TRIM24: variants seen among roughly 807,000 people sequenced by gnomAD.
TRIM24 encodes the protein transcription intermediary factor 1-alpha.
TRIM24 carries 29 observed loss-of-function variants against 123.9 expected under a neutral mutation model. The observed-to-expected ratio is 0.23, with a 90% confidence interval of 0.17 to 0.32. The LOEUF (loss-of-function observed/expected upper bound fraction) is 0.32, where lower values mean the gene tolerates loss of function less well. TRIM24 is among the 10% of genes least tolerant of loss of function. The pLI, the probability that TRIM24 is intolerant of heterozygous loss-of-function variation, is 1.00. For missense variants in TRIM24, 932 were observed against 1,295.3 expected (o/e 0.72, Z 4.31); for synonymous variants, 456 against 461.1 (o/e 0.99, Z 0.14).
intron 1 of TRIM24, among the ~76,000 whole-genome samples, chr7:138,476,600 A>C (rs1376776198): frequency 1.3e-5 from 2 of 152,054 alleles, no homozygotes; most frequent in Non-Finnish European, 2.9e-5. Context: ...CTCAAAAAAA[A>C]AAAAAAAAAG....
intron 2 of TRIM24, among the ~76,000 whole-genome samples, chr7:138,507,876 G>A (rs1796184121): frequency 6.6e-6 from 1 of 151,808 alleles, no homozygotes; most frequent in Admixed American, 6.6e-5. Context: ...GGAGGCTGCA[G>A]TGAGCCATAA....
chr7:138,566,316 A>T (rs1452320966), intron 9 of TRIM24, among the ~76,000 whole-genome samples: 6 of 151,846 alleles, frequency 4.0e-5, no homozygotes, highest in Admixed American at 6.6e-5. Context: ...AGGAGTTCGA[A>T]ACCAGCCTGA....
chr7:138,483,238 A>G (rs764736198), intron 1 of TRIM24, among the ~76,000 whole-genome samples: 10 of 152,230 alleles, frequency 6.6e-5, no homozygotes, highest in Non-Finnish European at 1.5e-4. Context: ...GCCTGGACCC[A>G]AATGTTAAAA....
At chr7:138,465,321 A>C (rs564469142) in intron 1 of TRIM24, among the ~76,000 whole-genome samples, 3 of 152,328 alleles carry the variant, frequency 2.0e-5, no homozygotes, top group South Asian at 4.1e-4. Context: ...AGAGAGGCAA[A>C]ACTTTAGGAA....
intron 2 of TRIM24, among the ~76,000 whole-genome samples, chr7:138,505,503 GGT>G (rs1796131214): frequency 7.3e-6 from 1 of 137,432 alleles, no homozygotes; most frequent in Non-Finnish European, 1.6e-5. Context: ...GTTTTTTGGG[GGT>G]GGTGGTTGTT....
At chr7:138,580,323 T>C (rs1797866640) in intron 15 of TRIM24, among the ~76,000 whole-genome samples, 1 of 152,178 alleles carries the variant, frequency 6.6e-6, no homozygotes, top group Non-Finnish European at 1.5e-5. Flanking sequence ...TTTCAATATA[T>C]GTATCTCACA....
chr7:138,518,846 G>T (rs1308402157), intron 3 of TRIM24, among the ~76,000 whole-genome samples: 1 of 152,164 alleles, frequency 6.6e-6, no homozygotes, highest in Non-Finnish European at 1.5e-5. Context: ...CCATATTTGG[G>T]ATAGAAGACA....
chr7:138,538,704 A>G lies in TRIM24; in HGVS notation c.1044A>G (p.Glu348=), dbSNP rs753443225. 35 of 1,613,490 alleles carry G rather than the reference A, an allele frequency of 2.2e-5. No homozygotes were observed. Among genetic ancestry groups the G allele is most frequent in the Non-Finnish European group, 2.9e-5 (34 of 1,179,764 alleles). The stretch of plus-strand genomic sequence containing the variant: ...TGAAACTTATGCAACAACAACAGGA[A>G]GTGGCTGGACTCTCTAAACAATTGG... The part of the protein sequence containing the change: ...HRMKLMQQQQ[E]VAGLSKQLEH... Residue 348 remains glutamate, a synonymous_variant, in exon 7 of 19, where the codon GAA becomes GAG. Coordinates refer to ENST00000343526, the MANE Select transcript of TRIM24 (RefSeq NM_015905.3).
intron 16 of TRIM24, 50 bp downstream of exon 16, chr7:138,580,744 G>A (rs766802486): frequency 1.3e-6 from 2 of 1,529,392 alleles, no homozygotes; most frequent in South Asian, 1.3e-5. Flanking sequence ...ATATTGTACT[G>A]TGGTACCTTT....
chr7:138,565,995 G>A (rs1028903306), intron 9 of TRIM24, among the ~76,000 whole-genome samples: 1 of 152,168 alleles, frequency 6.6e-6, no homozygotes, highest in African/African-American at 2.4e-5. Context: ...TTGCTCTGAG[G>A]GGGTGTTGGG....
chr7:138,465,058 A>T (rs1420337238), intron 1 of TRIM24, among the ~76,000 whole-genome samples: 1 of 152,248 alleles, frequency 6.6e-6, no homozygotes, highest in East Asian at 1.9e-4. Context: ...AAGTAAACAT[A>T]ATGTTTGAAC....
intron 2 of TRIM24, among the ~76,000 whole-genome samples, chr7:138,508,824 C>T (rs1796223989): frequency 6.6e-6 from 1 of 152,004 alleles, no homozygotes. Flanking sequence ...GCAGCCATTT[C>T]TCCTAGGTGC....
Position 138,576,450 on chromosome 7 carries a change from A to G in TRIM24, c.2087+5A>G, listed in dbSNP as rs780333203. On this transcript the variant is annotated splice_donor_5th_base_variant and intron_variant, in intron 13 of 18. Coordinates refer to ENST00000343526, the MANE Select transcript of TRIM24 (RefSeq NM_015905.3). Reference sequence around the variant, plus strand: ...CAGCGTTGGAAGCCGAGGAAGGTAAACTGACTAAACCATATTTTCTAGTAT... The same window carrying G: ...CAGCGTTGGAAGCCGAGGAAGGTAAGCTGACTAAACCATATTTTCTAGTAT... 1.2e-6 allele frequency: 2 copies of G among 1,612,964 alleles called. No homozygotes were observed. The highest frequency in any genetic ancestry group is 1.3e-5 in the African/African-American group (1 of 74,964).
At position 138,539,289 on chromosome 7, in the gene TRIM24, GTTC is replaced by G. The variant is rs559990484; in HGVS notation, c.1143+495_1143+497del. On this transcript the variant is annotated intron_variant, in intron 7 of 18. Coordinates refer to ENST00000343526, the MANE Select transcript of TRIM24 (RefSeq NM_015905.3). ...GATCTCAGACATGACCTGAGCCTGTGTTCTTCTTCTTGGTGCTGCACGGCAATC... is the reference window on the plus strand; with the variant it reads ...GATCTCAGACATGACCTGAGCCTGTGTTCTTCTTGGTGCTGCACGGCAATC... Among the ~76,000 whole-genome samples the G allele has an allele frequency of 6.5e-4, 99 of 152,198 alleles. 1 individual carries two copies. The highest frequency in any genetic ancestry group is 1.9e-3 in the African/African-American group (79 of 41,540).
intron 9 of TRIM24, among the ~76,000 whole-genome samples, chr7:138,562,454 A>AC (rs1797446883): frequency 6.6e-6 from 1 of 152,226 alleles, no homozygotes; most frequent in African/African-American, 2.4e-5. Context: ...TTCACAGCAC[A>AC]CAAGTCCTGC....
chr7:138,507,365 T>A (rs1796172613), intron 2 of TRIM24, among the ~76,000 whole-genome samples: 1 of 151,550 alleles, frequency 6.6e-6, no homozygotes, highest in Non-Finnish European at 1.5e-5. Flanking sequence ...TGTAATTTTT[T>A]TTTTTTTTTT....
intron 4 of TRIM24, among the ~76,000 whole-genome samples, chr7:138,521,212 T>C (rs1796497629): frequency 6.6e-6 from 1 of 152,086 alleles, no homozygotes; most frequent in Non-Finnish European, 1.5e-5. Context: ...TAATAGGAGA[T>C]ACAGAAAGGA....
At chr7:138,478,052 C>T (rs1229525802) in intron 1 of TRIM24, among the ~76,000 whole-genome samples, 1 of 152,130 alleles carries the variant, frequency 6.6e-6, no homozygotes, top group Non-Finnish European at 1.5e-5. Context: ...GTACTATGCT[C>T]TGCACCTCAG....
intron 6 of TRIM24, 26 bp from the exon 7 acceptor site, chr7:138,538,631 T>C: frequency 6.2e-7 from 1 of 1,612,736 alleles, no homozygotes; most frequent in Non-Finnish European, 8.5e-7. Context: ...CTGATACTAA[T>C]TTTGAAACTA....
Sources: allele counts gnomAD v4.1 joint callset (sites outside exome capture counted in the v4.1 genomes callset), GRCh38; gene constraint gnomAD v4.1.1; transcripts MANE v1.5; gene names NCBI Gene and HGNC (gene_info 2026-07-23, HGNC 2026-07-21).